Variants in ABCB1 observed in about 807,000 individuals in gnomAD.
ABCB1 encodes the protein ATP binding cassette subfamily B member 1, also known as ATP-dependent translocase ABCB1.
In ABCB1, 69 loss-of-function variants were observed where a neutral mutation model predicts 142.0. That is an observed-to-expected ratio of 0.49 (90% CI 0.40 to 0.59). ABCB1 has a LOEUF of 0.59. Ranked by LOEUF, ABCB1 falls within the 20% of genes least tolerant of loss-of-function variation. The probability of loss-of-function intolerance (pLI) is 0.00; values close to 1 mark genes in which losing one functional copy is unlikely to be tolerated. For missense variants in ABCB1, 1,326 were observed against 1,554.7 expected (o/e 0.85, Z 2.47); for synonymous variants, 532 against 539.2 (o/e 0.99, Z 0.18).
intron 1 of ABCB1, among the ~76,000 whole-genome samples, chr7:87,608,042 T>A (rs529105318): frequency 6.6e-6 from 1 of 152,332 alleles, no homozygotes; most frequent in South Asian, 2.1e-4. Context: ...AGTTGGAACT[T>A]TTTTGTTGGA....
In ABCB1 at chr7:87,587,874, CAA is replaced by C. The variant is rs35238388; in HGVS notation, c.118-2196_118-2195del. Among the ~76,000 whole-genome samples, 563 of 82,036 alleles carry C rather than the reference CAA, an allele frequency of 6.9e-3. 1 individual carries two copies. Among genetic ancestry groups the C allele is most frequent in the East Asian group, 0.027 (73 of 2,704 alleles). 53.8% of individuals were successfully genotyped at this position (82,036 alleles called of 152,430 possible). A position where few individuals can be genotyped will look rare whatever the true frequency, so the allele number is the denominator to read the frequency against. ...TGGGCGACAGAGTGAGACTCTGTCT[CAA>C]AAAAAAAAAAAAAAAAAAGGCATTT... On this transcript the variant is annotated intron_variant, in intron 3 of 27. Transcript: ENST00000622132.
At chr7:87,552,546 T>C (rs935393363) in intron 9 of ABCB1, among the ~76,000 whole-genome samples, 2 of 152,032 alleles carry the variant, frequency 1.3e-5, no homozygotes, top group African/African-American at 4.8e-5. Flanking sequence ...TGAAGTATAT[T>C]CATGCCCAGT....
intron 14 of ABCB1, among the ~76,000 whole-genome samples, chr7:87,547,961 G>A (rs1291586533): frequency 6.6e-6 from 1 of 150,868 alleles, no homozygotes; most frequent in Non-Finnish European, 1.5e-5. Flanking sequence ...AGAGGTTGTA[G>A]TGGCCATGAT....
intron 1 of ABCB1, among the ~76,000 whole-genome samples, chr7:87,659,778 T>C (rs1824505151): frequency 6.6e-6 from 1 of 152,178 alleles, no homozygotes; most frequent in Non-Finnish European, 1.5e-5. Flanking sequence ...ATCTCCACCT[T>C]CAGAATCTTT....
At chr7:87,534,917 T>TAAAAAAAAAAAA (rs139364527) in intron 20 of ABCB1, among the ~76,000 whole-genome samples, 7 of 91,808 alleles carry the variant, frequency 7.6e-5, no homozygotes, top group African/African-American at 2.8e-4. Flanking sequence ...CCTGTCTCTT[T>TAAAAAAAAAAAA]AAAAAAAAAA....
chr7:87,534,151 A>C (rs1361767473), intron 20 of ABCB1, among the ~76,000 whole-genome samples: 1 of 152,190 alleles, frequency 6.6e-6, no homozygotes, highest in African/African-American at 2.4e-5. Flanking sequence ...GAGAGGCAGG[A>C]AGAAAAACTG....
In ABCB1 at chr7:87,616,703, C is replaced by T. The variant is rs543856563; in HGVS notation, c.-330-15625G>A. Among the ~76,000 whole-genome samples, 3 of 152,272 alleles carry T rather than the reference C, an allele frequency of 2.0e-5. No homozygotes were observed. In the South Asian group the frequency reaches 6.2e-4, roughly 32 times the overall value. ...ACCATATGTACTATCATTATTATCCCAACCTTAGAGATCAGAAAACCAAAG... is the reference window on the plus strand; with the variant it reads ...ACCATATGTACTATCATTATTATCCTAACCTTAGAGATCAGAAAACCAAAG... On this transcript the variant is annotated intron_variant, in intron 1 of 28. Coordinates refer to the ABCB1 transcript ENST00000265724.
At chr7:87,661,277 CTT>C (rs1824689285) in intron 1 of ABCB1, among the ~76,000 whole-genome samples, 1 of 151,756 alleles carries the variant, frequency 6.6e-6, no homozygotes, top group Non-Finnish European at 1.5e-5. Context: ...CAATTATACT[CTT>C]TTAGTTATTT....
chr7:87,605,617 A>G (rs2130028616), upstream of ABCB1, among the ~76,000 whole-genome samples: 1 of 152,286 alleles, frequency 6.6e-6, no homozygotes, highest in African/African-American at 2.4e-5. Flanking sequence ...TGAAGTGGCA[A>G]CTCTTGGAAT....
chr7:87,616,542 A>T (rs958812632), intron 1 of ABCB1, among the ~76,000 whole-genome samples: 19 of 152,198 alleles, frequency 1.2e-4, no homozygotes, highest in African/African-American at 4.6e-4. Flanking sequence ...AACTAATGAA[A>T]ACAGCTAACA....
intron 1 of ABCB1, among the ~76,000 whole-genome samples, chr7:87,621,148 T>C (rs1039048530): frequency 2.6e-5 from 4 of 152,186 alleles, no homozygotes; most frequent in African/African-American, 9.6e-5. Context: ...GAGAGAGATG[T>C]GTCAAAATGA....
intron 1 of ABCB1, chr7:87,627,464 A>T (rs562397952): frequency 1.3e-5 from 2 of 152,376 alleles, no homozygotes; most frequent in East Asian, 3.9e-4. Flanking sequence ...TGTTCTATGT[A>T]CAGCACTGTG....
At position 87,516,567 on chromosome 7, in the gene ABCB1, A is replaced by G. The variant is rs199882044; in HGVS notation, c.3026T>C (p.Ile1009Thr). 1.2e-6 allele frequency: 2 copies of G among 1,614,152 alleles called. No individual in the cohort carries two copies. The highest frequency in any genetic ancestry group is 1.7e-6 in the Non-Finnish European group (2 of 1,180,020). ...CAAAGGGGTTTTTTCAATGATCATG[A>G]TGATGTGGGCTGCTGATATTTTGGC... ...AKAKISAAHI[I>T]MIIEKTPLID... is the part of the protein sequence containing the mutation. Residue 1009 changes from isoleucine to threonine, a missense_variant, in exon 24 of 28, where the codon ATC (isoleucine) becomes ACC (threonine). Physicochemically the swap from Ile to Thr is moderately conservative, Grantham distance 89. Transcript: ENST00000622132.
chr7:87,577,688 A>G (rs1260962068), intron 4 of ABCB1, among the ~76,000 whole-genome samples: 1 of 152,254 alleles, frequency 6.6e-6, no homozygotes, highest in Non-Finnish European at 1.5e-5. Context: ...GATGTTGAGC[A>G]TATTTTCATA....
chr7:87,566,606 C>A (rs1011052037), intron 6 of ABCB1, among the ~76,000 whole-genome samples, 179 bp downstream of exon 6: 14 of 152,132 alleles, frequency 9.2e-5, no homozygotes, highest in African/African-American at 3.1e-4. Context: ...CCCCCCATAC[C>A]CTGTCAAGGC....
chr7:87,507,132 A>T (rs2117061629), intron 26 of ABCB1, among the ~76,000 whole-genome samples: 1 of 152,320 alleles, frequency 6.6e-6, no homozygotes, highest in Non-Finnish European at 1.5e-5. Flanking sequence ...GGAGAAGTGG[A>T]TCCTTAGGTA....
upstream of ABCB1, among the ~76,000 whole-genome samples, chr7:87,604,899 C>G (rs151224456): frequency 2.6e-5 from 4 of 152,132 alleles, no homozygotes; most frequent in African/African-American, 9.7e-5. Flanking sequence ...TTTTCAGTAT[C>G]GGCATCTCTC....
intron 1 of ABCB1, among the ~76,000 whole-genome samples, chr7:87,627,004 G>A (rs1182258866): frequency 5.3e-5 from 8 of 152,048 alleles, no homozygotes; most frequent in African/African-American, 1.7e-4. Flanking sequence ...TCGAACTCCT[G>A]ACCTCGTGAT....
At chr7:87,564,595 C>T (rs1461312287) in intron 7 of ABCB1, among the ~76,000 whole-genome samples, 1 of 152,178 alleles carries the variant, frequency 6.6e-6, no homozygotes, top group African/African-American at 2.4e-5. Flanking sequence ...GAAGGTAGAG[C>T]CTCAGGCTCA....
Sources: allele counts gnomAD v4.1 joint callset (sites outside exome capture counted in the v4.1 genomes callset), GRCh38; gene constraint gnomAD v4.1.1; transcripts MANE v1.5; gene names NCBI Gene and HGNC (gene_info 2026-07-23, HGNC 2026-07-21).